LUZP2: variants seen among roughly 807,000 people sequenced by gnomAD.
The protein encoded by LUZP2 is leucine zipper protein 2.
A neutral mutation model predicts 51.6 loss-of-function variants in LUZP2; 52 were observed. That is an observed-to-expected ratio of 1.01 (90% CI 0.81 to 1.27). The LOEUF is 1.27. Among genes scored for constraint, LUZP2 ranks in the 50% most tolerant of loss-of-function variants. The pLI is 0.00. For missense variants in LUZP2, 436 were observed against 395.4 expected (o/e 1.10, Z -0.87); for synonymous variants, 154 against 137.3 (o/e 1.12, Z -0.85).
intron 9 of LUZP2, among the ~76,000 whole-genome samples, chr11:25,017,823 G>A (rs952410429): frequency 3.3e-5 from 5 of 152,126 alleles, no homozygotes; most frequent in African/African-American, 7.2e-5. Context: ...GAAAAATGAT[G>A]TGGTAGATTG....
Position 24,979,865 on chromosome 11 carries a change from A to C in LUZP2, c.597+3200A>C, listed in dbSNP as rs1855977942. Among the ~76,000 whole-genome samples the C allele has an allele frequency of 2.0e-5, 3 of 151,830 alleles. No individual in the cohort carries two copies. In the South Asian group the frequency reaches 6.2e-4, roughly 31 times the overall value. ...AGGGTAAGTGACCTACACAGACTCC[A>C]ATGACTGAGTAATACAGAATGAGAA... On this transcript the variant is annotated intron_variant, in intron 8 of 11. Coordinates refer to ENST00000336930, the MANE Select transcript of LUZP2 (RefSeq NM_001009909.4).
chr11:24,973,898 A>G (rs909855324), intron 7 of LUZP2, among the ~76,000 whole-genome samples: 1 of 152,106 alleles, frequency 6.6e-6, no homozygotes, highest in African/African-American at 2.4e-5. Flanking sequence ...AATGAGAACA[A>G]TGTATATTCT....
chr11:25,020,351 A>G (rs1857297320), intron 9 of LUZP2, among the ~76,000 whole-genome samples: 1 of 152,094 alleles, frequency 6.6e-6, no homozygotes, highest in Non-Finnish European at 1.5e-5. Context: ...AATTGTGATA[A>G]TTAATCTCCC....
At chr11:24,801,635 T>C (rs1278722377) in intron 5 of LUZP2, among the ~76,000 whole-genome samples, 1 of 151,764 alleles carries the variant, frequency 6.6e-6, no homozygotes, top group Non-Finnish European at 1.5e-5. Context: ...AAATGCTACG[T>C]TGAATGTTTA....
intron 10 of LUZP2, among the ~76,000 whole-genome samples, chr11:25,071,318 C>G (rs1475642542): frequency 6.6e-6 from 1 of 151,802 alleles, no homozygotes; most frequent in Non-Finnish European, 1.5e-5. Context: ...ACGGGTGCAG[C>G]ACACCAACAT....
intron 7 of LUZP2, among the ~76,000 whole-genome samples, chr11:24,927,691 C>G (rs908801858): frequency 3.3e-5 from 5 of 151,906 alleles, no homozygotes; most frequent in Non-Finnish European, 7.4e-5. Flanking sequence ...CAGATTTGTT[C>G]TTTTTGCTTA....
intron 9 of LUZP2, among the ~76,000 whole-genome samples, chr11:25,029,135 G>T (rs1857576991): frequency 1.3e-5 from 2 of 151,998 alleles, no homozygotes; most frequent in South Asian, 4.1e-4. Context: ...GCTACAAAAA[G>T]AAAATAGAAA....
At chr11:24,852,795 C>T (rs1047730557) in intron 5 of LUZP2, among the ~76,000 whole-genome samples, 4 of 152,150 alleles carry the variant, frequency 2.6e-5, no homozygotes, top group African/African-American at 7.2e-5. Context: ...GTTATCTCCT[C>T]TTGTTGCATT....
chr11:24,962,568 G>C (rs543705180), intron 7 of LUZP2, among the ~76,000 whole-genome samples: 1 of 152,128 alleles, frequency 6.6e-6, no homozygotes, highest in South Asian at 2.1e-4. Context: ...GGCTCCTGAG[G>C]CTTCTGCATT....
In LUZP2 at chr11:24,983,279, G is replaced by A. The variant is rs748201659; in HGVS notation, c.751G>A (p.Ala251Thr). ...TATTGCCTCTAAGCTTCCAGATGCA[G>A]CGGCCAAAAGCAAGGTACCTACCTT... ...RNIASKLPDA[A>T]AKSKPQQSAS... Residue 251 changes from alanine to threonine, a missense_variant, in exon 9 of 12, where the codon GCG (alanine) becomes ACG (threonine). Ala to Thr is a moderately conservative substitution (Grantham distance 58, BLOSUM62 0). Transcript: ENST00000336930. The A allele has an allele frequency of 5.1e-5, 82 of 1,611,518 alleles. No homozygotes were observed. Among genetic ancestry groups the A allele is most frequent in the Non-Finnish European group, 6.5e-5 (77 of 1,178,538 alleles).
chr11:25,044,029 A>G (rs1858174131), intron 9 of LUZP2, among the ~76,000 whole-genome samples: 1 of 146,752 alleles, frequency 6.8e-6, no homozygotes, highest in Non-Finnish European at 1.5e-5. Context: ...TCTGATATAT[A>G]TAGAGTCTAT....
chr11:24,795,848 C>G (rs1849532339), intron 5 of LUZP2, among the ~76,000 whole-genome samples: 1 of 152,080 alleles, frequency 6.6e-6, no homozygotes, highest in African/African-American at 2.4e-5. Flanking sequence ...GAGATATACA[C>G]TTGCCTGCCT....
intron 5 of LUZP2, among the ~76,000 whole-genome samples, chr11:24,897,184 A>AG (rs35751210): frequency 0.55 from 84,066 of 151,808 alleles, 23,597 homozygotes; most frequent in East Asian, 0.78. Flanking sequence ...CACACCAATC[A>AG]CACTCTGTCA....
At chr11:24,679,774 C>T (rs1590338507) in intron 1 of LUZP2, among the ~76,000 whole-genome samples, 1 of 152,156 alleles carries the variant, frequency 6.6e-6, no homozygotes, top group Non-Finnish European at 1.5e-5. Flanking sequence ...TAATTACTCA[C>T]CATAATCCTT....
At chr11:24,984,431 T>C (rs1856127290) in intron 9 of LUZP2, among the ~76,000 whole-genome samples, 1 of 149,542 alleles carries the variant, frequency 6.7e-6, no homozygotes, top group African/African-American at 2.4e-5. Context: ...GATCCTTATG[T>C]AATATTAATG....
At chr11:24,617,859 A>G (rs1854342230) in intron 1 of LUZP2, among the ~76,000 whole-genome samples, 1 of 151,920 alleles carries the variant, frequency 6.6e-6, no homozygotes, top group Non-Finnish European at 1.5e-5. Flanking sequence ...ATAATAAATA[A>G]ATAAATAAAT....
chr11:24,715,263 A>ATGTGTGTGTGTGTGTGTGTGTG (rs58368050), intron 1 of LUZP2, among the ~76,000 whole-genome samples: 11 of 133,880 alleles, frequency 8.2e-5, no homozygotes, highest in East Asian at 2.5e-4. Context: ...AGGAGCAACT[A>ATGTGTGTGTGTGTGTGTGTGTG]TGTGTGTGTG....
intron 5 of LUZP2, among the ~76,000 whole-genome samples, chr11:24,870,187 G>T (rs867584087): frequency 2.6e-5 from 4 of 152,058 alleles, no homozygotes; most frequent in Admixed American, 2.6e-4. Flanking sequence ...GAGCTATCGG[G>T]GTGAGTTCAT....
At chr11:25,037,727 G>C (rs1013556942) in intron 9 of LUZP2, among the ~76,000 whole-genome samples, 12 of 151,980 alleles carry the variant, frequency 7.9e-5, no homozygotes, top group African/African-American at 2.9e-4. Flanking sequence ...AGCTTATTTT[G>C]GTAGGATATG....
Sources: gnomAD v4.1 joint callset for allele counts (sites outside exome capture counted in the v4.1 genomes callset) on GRCh38, gnomAD v4.1.1 for gene constraint, MANE v1.5 for transcripts, NCBI Gene and HGNC (gene_info 2026-07-23, HGNC 2026-07-21) for gene names.